The following ANGPT2 variants were observed in gnomAD, a reference collection of about 807,000 sequenced individuals.
ANGPT2 encodes angiopoietin-2.
In ANGPT2, 28 loss-of-function variants were observed where a neutral mutation model predicts 62.9. The ratio of observed to expected loss-of-function variants is 0.44; its 90% CI spans 0.33 to 0.61. The LOEUF (loss-of-function observed/expected upper bound fraction) is 0.61, where lower values mean the gene tolerates loss of function less well. Among genes scored for constraint, ANGPT2 ranks in the 20% least tolerant of loss-of-function variants. The probability of loss-of-function intolerance (pLI) is 0.03; values close to 1 mark genes in which losing one functional copy is unlikely to be tolerated. For synonymous variants in ANGPT2, 284 were observed against 207.8 expected (o/e 1.37, Z -3.15); for missense variants, 727 against 594.9 (o/e 1.22, Z -2.31).
At chr8:6,541,477 G>C (rs1325845630) in intron 1 of ANGPT2, among the ~76,000 whole-genome samples, 1 of 152,178 alleles carries the variant, frequency 6.6e-6, no homozygotes, top group Non-Finnish European at 1.5e-5. Flanking sequence ...GGGCAGGCCT[G>C]GAGACAGGAA....
intron 7 of ANGPT2, among the ~76,000 whole-genome samples, chr8:6,510,394 T>A (rs1257374202): frequency 6.6e-6 from 1 of 152,200 alleles, no homozygotes; most frequent in African/African-American, 2.4e-5. Context: ...ACCAAGATGA[T>A]GCCCTTCTTT....
intron 1 of ANGPT2, among the ~76,000 whole-genome samples, chr8:6,534,445 G>C (rs1820137625): frequency 6.6e-6 from 1 of 152,050 alleles, no homozygotes; most frequent in South Asian, 2.1e-4. Context: ...CAGACATCAA[G>C]GGACAGTTGT....
At position 6,552,248 on chromosome 8, in the gene ANGPT2, G is replaced by A. The variant is rs536604814; in HGVS notation, c.288+10399C>T. On this transcript the variant is annotated intron_variant, in intron 1 of 8. Coordinates refer to ENST00000629816, the MANE Select transcript of ANGPT2 (RefSeq NM_001118887.2). ...AGAAACAACATGCAGAAGCAGCATT[G>A]CTTACGACTCACACTGAACCTGAAG... Among the ~76,000 whole-genome samples, 6 of 152,290 alleles carry A rather than the reference G, an allele frequency of 3.9e-5. No individual in the cohort carries two copies. In the South Asian group the frequency reaches 1.0e-3, roughly 26 times the overall value.
chr8:6,551,351 C>T lies in ANGPT2; in HGVS notation c.288+11296G>A, dbSNP rs575705330. Among the ~76,000 whole-genome samples the T allele has an allele frequency of 3.2e-4, 49 of 152,174 alleles. No homozygotes were observed. The South Asian group carries it at 8.7e-3, about 27-fold the overall frequency. On this transcript the variant is annotated intron_variant, in intron 1 of 8. Transcript: ENST00000629816. ...TTAATTCTATGCATGTCAGCTGCAA[C>T]GCCTTCATGGCACGGGACAGGCCAA...
Position 6,514,921 on chromosome 8 carries a change from G to A in ANGPT2, c.928-143C>T, listed in dbSNP as rs571789853. 6.6e-5 allele frequency: 41 copies of A among 618,618 alleles called. 1 individual carries two copies. In the South Asian group the frequency reaches 7.6e-4, roughly 11 times the overall value. The allele number at this position is 618,618 out of a possible 1,614,324, so 38.3% of individuals were successfully genotyped here. A position where few individuals can be genotyped will look rare whatever the true frequency, so the allele number is the denominator to read the frequency against. ...TATAAGGCACGGAGTAGACCATCGG[G>A]GTTGTCTAAGAAACAGATGGTTTCA... On this transcript the variant is annotated intron_variant, in intron 5 of 8. Transcript: ENST00000629816.
intron 5 of ANGPT2, among the ~76,000 whole-genome samples, chr8:6,517,812 G>T (rs887358231): frequency 3.3e-5 from 5 of 152,204 alleles, no homozygotes; most frequent in African/African-American, 1.2e-4. Context: ...ATCCAAGTCT[G>T]TCTATCTCTC....
At chr8:6,554,082 C>T (rs1824158027) in intron 1 of ANGPT2, among the ~76,000 whole-genome samples, 1 of 150,290 alleles carries the variant, frequency 6.7e-6, no homozygotes, top group African/African-American at 2.5e-5. Flanking sequence ...TCCTGAAATA[C>T]TGAGTACTTC....
intron 8 of ANGPT2, among the ~76,000 whole-genome samples, chr8:6,505,261 T>TG (rs1563305264): frequency 6.0e-5 from 7 of 116,680 alleles, no homozygotes; most frequent in East Asian, 2.3e-4. Context: ...TTATATATGT[T>TG]TTATATATAT....
At chr8:6,522,882 G>A (rs139746986) in intron 3 of ANGPT2, among the ~76,000 whole-genome samples, 2 of 152,282 alleles carry the variant, frequency 1.3e-5, no homozygotes, top group African/African-American at 4.8e-5. Flanking sequence ...TTCTGACTCT[G>A]AAATCTGCTT....
intron 5 of ANGPT2, 38 bp from the exon 6 acceptor site, chr8:6,514,816 C>T (rs781279381): frequency 1.5e-5 from 23 of 1,554,324 alleles, no homozygotes; most frequent in South Asian, 3.3e-5. Context: ...GACAGAGCCC[C>T]CCCACTCCCC....
intron 2 of ANGPT2, among the ~76,000 whole-genome samples, chr8:6,530,922 T>C (rs1309097021): frequency 6.6e-6 from 1 of 152,232 alleles, no homozygotes; most frequent in African/African-American, 2.4e-5. Flanking sequence ...GGCTGACGTC[T>C]AGCATTTCTT....
intron 1 of ANGPT2, among the ~76,000 whole-genome samples, chr8:6,543,788 C>A (rs371928052): frequency 6.6e-6 from 1 of 152,182 alleles, no homozygotes; most frequent in Non-Finnish European, 1.5e-5. Flanking sequence ...TTTAAAGCTG[C>A]GAGTTTTTTC....
In ANGPT2 at chr8:6,501,184, T is replaced by C. The variant is rs1174691317; in HGVS notation, c.*1917A>G. 2 of 152,220 alleles carry C rather than the reference T, an allele frequency of 1.3e-5. No homozygotes were observed. Among genetic ancestry groups the C allele is most frequent in the East Asian group, 3.8e-4 (2 of 5,200 alleles). The allele number at this position is 152,220 out of a possible 1,614,324, so 9.4% of individuals were successfully genotyped here. ...GTGGAAATAAAACAGAGCCTTGACTTTGCCAGAGTCCATCATTGACTCCAA... is the reference window on the plus strand; with the variant it reads ...GTGGAAATAAAACAGAGCCTTGACTCTGCCAGAGTCCATCATTGACTCCAA... On this transcript the variant is annotated 3_prime_UTR_variant, in exon 9 of 9. Transcript: ENST00000629816.
chr8:6,542,030 T>G lies in ANGPT2; in HGVS notation c.289-9543A>C, dbSNP rs550567250. Among the ~76,000 whole-genome samples the G allele has an allele frequency of 6.1e-4, 92 of 150,520 alleles. No individual in the cohort carries two copies. The South Asian group carries it at 0.012, about 20-fold the overall frequency. On this transcript the variant is annotated intron_variant, in intron 1 of 8. Coordinates refer to ENST00000629816, the MANE Select transcript of ANGPT2 (RefSeq NM_001118887.2). ...CTCAAAAAAAAAAAAAAAAAAGTAC[T>G]GAATGATAAATGATTACAAATAGAA...
At position 6,542,730 on chromosome 8, in the gene ANGPT2, A is replaced by G. The variant is rs530094838; in HGVS notation, c.289-10243T>C. ...TTTTTGCTGTCTCTTTCTGTGTTAC[A>G]TGGGTTTGCCAAAATACTGGGTGGA... On this transcript the variant is annotated intron_variant, in intron 1 of 8. Coordinates refer to ENST00000629816, the MANE Select transcript of ANGPT2 (RefSeq NM_001118887.2). Among the ~76,000 whole-genome samples, 132 of 152,048 alleles carry G rather than the reference A, an allele frequency of 8.7e-4. 2 individuals carry two copies. The highest frequency in any genetic ancestry group is 7.7e-3 in the Admixed American group (117 of 15,262).
intron 1 of ANGPT2, among the ~76,000 whole-genome samples, chr8:6,549,151 A>T (rs1255313839): frequency 6.6e-6 from 1 of 152,236 alleles, no homozygotes; most frequent in African/African-American, 2.4e-5. Flanking sequence ...AGTACAAGAA[A>T]AATGATACAT....
At chr8:6,550,356 G>A (rs866711239) in intron 1 of ANGPT2, among the ~76,000 whole-genome samples, 14 of 152,180 alleles carry the variant, frequency 9.2e-5, no homozygotes, top group Non-Finnish European at 1.3e-4. Context: ...TGGGGCTGTT[G>A]CACACACCCC....
At chr8:6,549,384 A>T (rs535008287) in intron 1 of ANGPT2, among the ~76,000 whole-genome samples, 5 of 152,244 alleles carry the variant, frequency 3.3e-5, no homozygotes, top group African/African-American at 1.2e-4. Flanking sequence ...ATGACATTCA[A>T]AACCTAGCAA....
intron 1 of ANGPT2, among the ~76,000 whole-genome samples, chr8:6,551,651 A>C (rs560531022): frequency 1.3e-5 from 2 of 152,308 alleles, no homozygotes; most frequent in Admixed American, 1.3e-4. Context: ...TCAGGTCAGG[A>C]ATTCCTGTCA....
Sources: gnomAD v4.1 joint callset for allele counts (sites outside exome capture counted in the v4.1 genomes callset) on GRCh38, gnomAD v4.1.1 for gene constraint, MANE v1.5 for transcripts, NCBI Gene and HGNC (gene_info 2026-07-23, HGNC 2026-07-21) for gene names.